Variants in CENPP observed in about 807,000 individuals in gnomAD.
The protein encoded by CENPP is centromere protein P.
A neutral mutation model predicts 35.6 loss-of-function variants in CENPP; 24 were observed. The ratio of observed to expected loss-of-function variants is 0.67; its 90% CI spans 0.49 to 0.95. The LOEUF (loss-of-function observed/expected upper bound fraction) is 0.95, where lower values mean the gene tolerates loss of function less well. Among genes scored for constraint, CENPP ranks in the 40% least tolerant of loss-of-function variants. CENPP has a pLI of 0.00. For missense variants in CENPP, 332 were observed against 345.3 expected, an observed-to-expected ratio of 0.96 and a Z score of 0.31; for synonymous variants, 120 against 125.5, an observed-to-expected ratio of 0.96 and a Z score of 0.29.
intron 5 of CENPP, among the ~76,000 whole-genome samples, chr9:92,439,297 GAC>G: frequency 6.6e-6 from 1 of 151,982 alleles, no homozygotes; most frequent in South Asian, 2.1e-4. Flanking sequence ...ATTAGAATAA[GAC>G]TGCCCTCCCA....
At chr9:92,548,581 A>G (rs957154260) in intron 5 of CENPP, among the ~76,000 whole-genome samples, 53 of 152,374 alleles carry the variant, frequency 3.5e-4, no homozygotes, top group African/African-American at 9.6e-4. Flanking sequence ...AAATTAAAAA[A>G]TAATTGTCTT....
chr9:92,384,614 G>C (rs2130876289), intron 5 of CENPP: 1 of 152,184 alleles, frequency 6.6e-6, no homozygotes, highest in Non-Finnish European at 1.5e-5. Context: ...AGTTTATCAT[G>C]AGTAATCAGA....
rs535738564 is a variant in CENPP at position 92,553,644 on chromosome 9, A to G, written c.565-57670A>G. Among the ~76,000 whole-genome samples, 37 of 152,222 alleles carry G rather than the reference A, an allele frequency of 2.4e-4. 1 individual carries two copies. In the Middle Eastern group the frequency reaches 0.01, roughly 42 times the overall value. ...CGACTCCTTGGTTAGGTATATTCCT[A>G]AATATTTTATTTATTTATTTATTTT... On this transcript the variant is annotated intron_variant, in intron 5 of 7. Transcript: ENST00000375587.
At chr9:92,370,959 C>A (rs990712246) in intron 4 of CENPP, among the ~76,000 whole-genome samples, 1 of 152,058 alleles carries the variant, frequency 6.6e-6, no homozygotes, top group African/African-American at 2.4e-5. Context: ...TGTATTGTCT[C>A]CATTTTCATT....
At chr9:92,479,942 C>A (rs185883796) in intron 5 of CENPP, among the ~76,000 whole-genome samples, 17 of 152,108 alleles carry the variant, frequency 1.1e-4, no homozygotes, top group African/African-American at 4.1e-4. Context: ...TAGGAGAGAA[C>A]CCTAGATAGC....
chr9:92,619,576 G>A lies in CENPP; in HGVS notation c.*6427G>A, dbSNP rs769544473. On this transcript the variant is annotated 3_prime_UTR_variant, in exon 8 of 8. Coordinates refer to ENST00000375587, the MANE Select transcript of CENPP (RefSeq NM_001012267.3). Reference sequence around the variant, plus strand: ...GCGGTACTGCTGCACCTGCAGGGGCGGGAAAGATCAGCTCCAGGTCACACA... The same window carrying A: ...GCGGTACTGCTGCACCTGCAGGGGCAGGAAAGATCAGCTCCAGGTCACACA... 9.0e-5 allele frequency: 142 copies of A among 1,569,660 alleles called. No individual in the cohort carries two copies. Among genetic ancestry groups the A allele is most frequent in the Middle Eastern group, 3.3e-4 (2 of 6,026 alleles).
At chr9:92,583,477 A>G (rs1225730316) in intron 5 of CENPP, among the ~76,000 whole-genome samples, 2 of 152,228 alleles carry the variant, frequency 1.3e-5, no homozygotes, top group South Asian at 2.1e-4. Context: ...CTTATAGCAT[A>G]TTTGTAAATG....
At chr9:92,597,796 A>G (rs1377121684) in intron 5 of CENPP, among the ~76,000 whole-genome samples, 3 of 152,250 alleles carry the variant, frequency 2.0e-5, no homozygotes, top group African/African-American at 4.8e-5. Context: ...ATCTTAAAAA[A>G]GAACTACTGC....
chr9:92,619,410 A>G lies in CENPP; in HGVS notation c.*6261A>G. ...GTCTCTAAATATGGGGAAACCAACTATCCTATTAACAATTCACCAACTGTC... is the reference window on the plus strand; with the variant it reads ...GTCTCTAAATATGGGGAAACCAACTGTCCTATTAACAATTCACCAACTGTC... On this transcript the variant is annotated 3_prime_UTR_variant, in exon 8 of 8. Transcript: ENST00000375587. The G allele has an allele frequency of 8.4e-7, 1 of 1,194,476 alleles. No individual in the cohort carries two copies. Among genetic ancestry groups the G allele is most frequent in the Non-Finnish European group, 1.2e-6 (1 of 823,904 alleles). The allele number at this position is 1,194,476 out of a possible 1,614,324, so 74.0% of individuals were successfully genotyped here. A position where few individuals can be genotyped will look rare whatever the true frequency, so the allele number is the denominator to read the frequency against.
intron 5 of CENPP, among the ~76,000 whole-genome samples, chr9:92,447,588 C>A (rs1435005793): frequency 6.6e-6 from 1 of 152,184 alleles, no homozygotes; most frequent in African/African-American, 2.4e-5. Context: ...CAGTTGTGGT[C>A]CATGACCCTA....
chr9:92,525,762 C>T (rs190678320), intron 5 of CENPP, among the ~76,000 whole-genome samples: 9 of 151,880 alleles, frequency 5.9e-5, no homozygotes, highest in South Asian at 2.1e-4. Flanking sequence ...TGGTGGTGCA[C>T]GCCTGTAATC....
intron 3 of CENPP, among the ~76,000 whole-genome samples, chr9:92,338,597 C>T (rs888629639): frequency 1.3e-5 from 2 of 152,070 alleles, no homozygotes; most frequent in African/African-American, 4.8e-5. Flanking sequence ...CAGATCCAAC[C>T]ATCTGCATCT....
At chr9:92,585,602 G>T (rs1036540763) in intron 5 of CENPP, among the ~76,000 whole-genome samples, 1 of 152,174 alleles carries the variant, frequency 6.6e-6, no homozygotes, top group Non-Finnish European at 1.5e-5. Context: ...AAATGGGAGA[G>T]TAGGGCTCTC....
intron 5 of CENPP, among the ~76,000 whole-genome samples, chr9:92,503,654 A>T (rs1846820987): frequency 6.6e-6 from 1 of 152,244 alleles, no homozygotes; most frequent in Non-Finnish European, 1.5e-5. Flanking sequence ...TCTTGTTAGA[A>T]TTCAGAGGTA....
At chr9:92,532,005 T>C (rs1296661088) in intron 5 of CENPP, among the ~76,000 whole-genome samples, 1 of 147,538 alleles carries the variant, frequency 6.8e-6, no homozygotes, top group Non-Finnish European at 1.5e-5. Context: ...TTTTTCTTTT[T>C]TTATTTAATG....
chr9:92,416,058 G>GTGTATATATATA (rs6151074), intron 5 of CENPP, among the ~76,000 whole-genome samples: 2 of 130,932 alleles, frequency 1.5e-5, no homozygotes, highest in Non-Finnish European at 3.2e-5. Flanking sequence ...ATATATGTGT[G>GTGTATATATATA]TATATATATA....
At position 92,599,333 on chromosome 9, in the gene CENPP, C is replaced by T. The variant is rs553548134; in HGVS notation, c.565-11981C>T. Among the ~76,000 whole-genome samples the T allele has an allele frequency of 1.8e-4, 27 of 152,300 alleles. 1 individual carries two copies. Among genetic ancestry groups the T allele is most frequent in the African/African-American group, 6.0e-4 (25 of 41,568 alleles). ...GTCACACAGGACAGACCTCCCCGTC[C>T]GACACCAGCCCCTGGCTAGACTATC... On this transcript the variant is annotated intron_variant, in intron 5 of 7. Coordinates refer to ENST00000375587, the MANE Select transcript of CENPP (RefSeq NM_001012267.3).
intron 5 of CENPP, chr9:92,494,111 C>T: frequency 6.3e-7 from 1 of 1,597,900 alleles, no homozygotes; most frequent in Non-Finnish European, 8.5e-7. Context: ...CACATCTGAT[C>T]TGTTTGTCAC....
chr9:92,428,140 T>C (rs779303169), intron 5 of CENPP, among the ~76,000 whole-genome samples: 2 of 152,174 alleles, frequency 1.3e-5, no homozygotes, highest in Non-Finnish European at 2.9e-5. Flanking sequence ...GTCTATCTGC[T>C]CCCAGGGGGC....
Sources: allele counts gnomAD v4.1 joint callset (sites outside exome capture counted in the v4.1 genomes callset), GRCh38; gene constraint gnomAD v4.1.1; transcripts MANE v1.5; gene names NCBI Gene and HGNC (gene_info 2026-07-23, HGNC 2026-07-21).